Variants in BTRC observed in about 807,000 individuals in gnomAD.
The protein encoded by BTRC is beta-transducin repeat containing E3 ubiquitin protein ligase, also known as F-box/WD repeat-containing protein 1A.
In BTRC, 42 loss-of-function variants were observed where a neutral mutation model predicts 85.5. That is an observed-to-expected ratio of 0.49 (90% CI 0.38 to 0.64). The LOEUF (loss-of-function observed/expected upper bound fraction) is 0.64, where lower values mean the gene tolerates loss of function less well. Among genes scored for constraint, BTRC ranks in the 30% least tolerant of loss-of-function variants. The pLI is 0.00. For synonymous variants in BTRC, 255 were observed against 263.3 expected (o/e 0.97, Z 0.30); for missense variants, 594 against 743.5 (o/e 0.80, Z 2.34).
chr10:101,431,270 T>C (rs1416209031), intron 2 of BTRC, among the ~76,000 whole-genome samples: 1 of 151,908 alleles, frequency 6.6e-6, no homozygotes, highest in African/African-American at 2.4e-5. Context: ...AGAGACTGGG[T>C]TTCACCATGT....
intron 3 of BTRC, among the ~76,000 whole-genome samples, chr10:101,470,632 T>C (rs891779174): frequency 2.0e-5 from 3 of 152,088 alleles, no homozygotes; most frequent in African/African-American, 7.2e-5. Context: ...GCCTAGCCGG[T>C]TTTTTCTTTT....
intron 13 of BTRC, among the ~76,000 whole-genome samples, chr10:101,549,587 G>C (rs564098498): frequency 6.6e-6 from 1 of 151,468 alleles, no homozygotes; most frequent in Non-Finnish European, 1.5e-5. Flanking sequence ...GGTGGCAGGC[G>C]CCTGTAGTCC....
chr10:101,399,204 C>T (rs1354848872), intron 1 of BTRC, among the ~76,000 whole-genome samples: 1 of 152,146 alleles, frequency 6.6e-6, no homozygotes, highest in East Asian at 1.9e-4. Flanking sequence ...ATCCACCCAC[C>T]TCGGCCTCCC....
chr10:101,354,484 G>A (rs563147632), intron 1 of BTRC: 33 of 498,762 alleles, frequency 6.6e-5, no homozygotes, highest in Non-Finnish European at 1.1e-4. Context: ...CGAGGAGGGG[G>A]CTCCAGGCGG....
Position 101,442,566 on chromosome 10 carries a change from A to G in BTRC, c.156+12114A>G, listed in dbSNP as rs115920981. 9.1e-4 allele frequency among the ~76,000 whole-genome samples: 138 copies of G among 152,338 alleles called. 1 individual carries two copies. Among genetic ancestry groups the G allele is most frequent in the African/African-American group, 3.3e-3 (137 of 41,578 alleles). On this transcript the variant is annotated intron_variant, in intron 2 of 14. Transcript: ENST00000370187. ...TGTATTAAAAATTAAGATATATTTT[A>G]TTAGGCATAAAGTTTTTAAGTACTA...
intron 1 of BTRC, among the ~76,000 whole-genome samples, chr10:101,368,121 A>C (rs1211706079): frequency 3.3e-5 from 5 of 152,200 alleles, no homozygotes; most frequent in African/African-American, 9.7e-5. Flanking sequence ...TGCGTTCCTC[A>C]TGAAGGGCTT....
intron 3 of BTRC, among the ~76,000 whole-genome samples, chr10:101,478,176 C>G (rs1220798948): frequency 6.6e-6 from 1 of 151,856 alleles, no homozygotes; most frequent in Non-Finnish European, 1.5e-5. Context: ...TGGCAGGCGC[C>G]TGTAAGCCCA....
At chr10:101,542,710 C>T (rs978775488) in intron 13 of BTRC, among the ~76,000 whole-genome samples, 2 of 151,946 alleles carry the variant, frequency 1.3e-5, no homozygotes, top group Non-Finnish European at 2.9e-5. Context: ...TAGCTGGGAC[C>T]ACAGGCGTGC....
chr10:101,376,035 G>A (rs985645255), intron 1 of BTRC, among the ~76,000 whole-genome samples: 1 of 152,170 alleles, frequency 6.6e-6, no homozygotes, highest in African/African-American at 2.4e-5. Flanking sequence ...GGAATCAAAA[G>A]TGATGGCAGG....
chr10:101,532,198 G>T, intron 7 of BTRC, 97 bp from the exon 8 acceptor site: 1 of 1,316,012 alleles, frequency 7.6e-7, no homozygotes, highest in South Asian at 1.6e-5. Context: ...ATATCCCATA[G>T]AGTAAAGCAT....
At chr10:101,370,973 T>C (rs1173542515) in intron 1 of BTRC, among the ~76,000 whole-genome samples, 4 of 152,188 alleles carry the variant, frequency 2.6e-5, no homozygotes, top group Admixed American at 2.6e-4. Context: ...AAACATTTTT[T>C]ATTGTGGTAA....
At chr10:101,515,190 A>C (rs1167210761) in intron 4 of BTRC, among the ~76,000 whole-genome samples, 1 of 152,014 alleles carries the variant, frequency 6.6e-6, no homozygotes, top group Non-Finnish European at 1.5e-5. Flanking sequence ...TCCTGACTTC[A>C]AGTGATCCAC....
intron 1 of BTRC, among the ~76,000 whole-genome samples, chr10:101,407,034 A>G (rs1427541908): frequency 6.6e-6 from 1 of 152,194 alleles, no homozygotes; most frequent in Non-Finnish European, 1.5e-5. Flanking sequence ...CCAAGTATAT[A>G]CTTTTAAATT....
chr10:101,428,723 T>C (rs1254152722), intron 1 of BTRC, among the ~76,000 whole-genome samples: 1 of 152,216 alleles, frequency 6.6e-6, no homozygotes. Flanking sequence ...AAAATGAGGA[T>C]AATGTATTAA....
chr10:101,399,801 G>A (rs1049552249), intron 1 of BTRC, among the ~76,000 whole-genome samples: 1 of 152,054 alleles, frequency 6.6e-6, no homozygotes, highest in African/African-American at 2.4e-5. Context: ...TGATAAATTG[G>A]ATTGGAAGAT....
At chr10:101,545,401 A>C (rs1011442575) in intron 13 of BTRC, among the ~76,000 whole-genome samples, 1 of 152,262 alleles carries the variant, frequency 6.6e-6, no homozygotes, top group Non-Finnish European at 1.5e-5. Context: ...AGCGAAAGAT[A>C]TAACACATGT....
chr10:101,366,721 A>G (rs1942385685), intron 1 of BTRC, among the ~76,000 whole-genome samples: 1 of 138,062 alleles, frequency 7.2e-6, no homozygotes, highest in Non-Finnish European at 1.5e-5. Flanking sequence ...ATAGCAGATA[A>G]GGAAAATATA....
intron 1 of BTRC, among the ~76,000 whole-genome samples, chr10:101,387,751 G>A (rs151245421): frequency 1.6e-4 from 24 of 151,098 alleles, no homozygotes; most frequent in Admixed American, 1.4e-3. Context: ...GTGCGGTGGC[G>A]CGATCTCTGC....
chr10:101,532,132 T>C (rs2062292778), intron 7 of BTRC, among the ~76,000 whole-genome samples, 163 bp from the exon 8 acceptor site: 1 of 152,088 alleles, frequency 6.6e-6, no homozygotes. Flanking sequence ...AAGAATATTT[T>C]ATAAATATAG....
Sources: gnomAD v4.1 joint callset for allele counts (sites outside exome capture counted in the v4.1 genomes callset) on GRCh38, gnomAD v4.1.1 for gene constraint, MANE v1.5 for transcripts, NCBI Gene and HGNC (gene_info 2026-07-23, HGNC 2026-07-21) for gene names.